Variants in KCTD10 observed in about 807,000 individuals in gnomAD.
KCTD10 encodes the protein potassium channel tetramerization domain containing 10, also known as BTB/POZ domain-containing adapter for CUL3-mediated RhoA degradation protein 3.
KCTD10 carries 13 observed loss-of-function variants against 34.6 expected under a neutral mutation model. The observed-to-expected ratio is 0.38, with a 90% CI of 0.24 to 0.60. The LOEUF is 0.60. Among genes scored for constraint, KCTD10 ranks in the 20% least tolerant of loss-of-function variants. The probability of loss-of-function intolerance (pLI) is 0.66; values close to 1 mark genes in which losing one functional copy is unlikely to be tolerated. For synonymous variants in KCTD10, 156 were observed against 168.8 expected (o/e 0.92, Z 0.59); for missense variants, 256 against 420.3 (o/e 0.61, Z 3.42).
intron 2 of KCTD10, among the ~76,000 whole-genome samples, chr12:109,465,070 T>C (rs1175962651): frequency 6.6e-6 from 1 of 152,200 alleles, no homozygotes; most frequent in Non-Finnish European, 1.5e-5. Context: ...TGCCCCATGA[T>C]GTGGCAAAGG....
intron 6 of KCTD10, among the ~76,000 whole-genome samples, chr12:109,453,366 A>G (rs1421651892): frequency 2.0e-5 from 3 of 152,064 alleles, no homozygotes. Flanking sequence ...TTTTTTAAAA[A>G]ATTTTTGGTA....
rs1872720314 is a variant in KCTD10 at position 109,450,533 on chromosome 12, G to C, written c.*1062C>G. On this transcript the variant is annotated 3_prime_UTR_variant, in exon 7 of 7. Coordinates refer to ENST00000228495, the MANE Select transcript of KCTD10 (RefSeq NM_031954.5). ...ATCAGAGGCAAAGACAAGGGGGTCT[G>C]TGTTTATAGCAGGGAAGCTCCCTGG... is the stretch of plus-strand genomic sequence containing the variant. 2 of 396,836 alleles carry C rather than the reference G, an allele frequency of 5.0e-6. No homozygotes were observed. Among genetic ancestry groups the C allele is most frequent in the Non-Finnish European group, 8.9e-6 (2 of 225,448 alleles). 24.6% of individuals were successfully genotyped at this position (396,836 alleles called of 1,614,324 possible). A position where few individuals can be genotyped will look rare whatever the true frequency, so the allele number is the denominator to read the frequency against.
intron 1 of KCTD10, chr12:109,471,170 T>C: frequency 2.0e-6 from 2 of 985,422 alleles, no homozygotes; most frequent in South Asian, 4.7e-5. Context: ...TTTTCTATAA[T>C]GAATGGGTAC....
chr12:109,452,451 A>G (rs1294645098), intron 6 of KCTD10, among the ~76,000 whole-genome samples: 2 of 152,216 alleles, frequency 1.3e-5, no homozygotes, highest in East Asian at 1.9e-4. Context: ...CTTCAGGGTT[A>G]AGGTGTGATG....
At chr12:109,469,465 T>G in intron 2 of KCTD10, 50 bp downstream of exon 2, 1 of 1,593,994 alleles carries the variant, frequency 6.3e-7, no homozygotes, top group Non-Finnish European at 8.6e-7. Context: ...GAAGCCCTCC[T>G]TGACCACATA....
chr12:109,466,162 AGT>A (rs1566057071), intron 2 of KCTD10, among the ~76,000 whole-genome samples: 1 of 152,140 alleles, frequency 6.6e-6, no homozygotes, highest in African/African-American at 2.4e-5. Context: ...CCTTGGGGGT[AGT>A]GTGGAACTGC....
chr12:109,477,134 A>G, intron 1 of KCTD10, 126 bp downstream of exon 1: 2 of 1,143,454 alleles, frequency 1.7e-6, no homozygotes. Flanking sequence ...AATCCCCCAA[A>G]TGCCTCTCCA....
chr12:109,460,711 C>A lies in KCTD10; in HGVS notation c.312G>T (p.Glu104Asp), dbSNP rs1338040181. ...TGGCTTCTGCTAGCAGCTCCTCGAT[C>A]TCCCGGCGGCTCTCGGGTAAAGGCA... is the stretch of plus-strand genomic sequence containing the variant. Reference protein sequence around the residue: ...GAVPLPESRREIEELLAEAKY... With the variant: ...GAVPLPESRRDIEELLAEAKY... Residue 104 changes from glutamate to aspartate, a missense_variant, in exon 3 of 7, where the codon GAG becomes GAT. Transcript: ENST00000228495. The surrounding 1 kb of genome is among the most constrained non-coding windows in gnomAD (Gnocchi z 4.5). 1.2e-6 allele frequency: 2 copies of A among 1,614,192 alleles called. No homozygotes were observed. The highest frequency in any genetic ancestry group is 3.3e-5 in the Admixed American group (2 of 60,030).
intron 5 of KCTD10, 63 bp downstream of exon 5, chr12:109,457,567 C>T: frequency 6.9e-7 from 1 of 1,443,758 alleles, no homozygotes. Context: ...AGAGCTGGGC[C>T]TGGCTGGTGT....
chr12:109,464,338 T>C (rs973045569), intron 2 of KCTD10, among the ~76,000 whole-genome samples: 29 of 152,230 alleles, frequency 1.9e-4, no homozygotes, highest in African/African-American at 7.0e-4. Flanking sequence ...TGTAAGAGGC[T>C]GCCCCGCACA....
In KCTD10 at chr12:109,451,893, A is replaced by G; in HGVS notation, c.724-80T>C. On this transcript the variant is annotated intron_variant, in intron 6 of 6. Coordinates refer to ENST00000228495, the MANE Select transcript of KCTD10 (RefSeq NM_031954.5). The surrounding 1 kb of genome is among the most constrained non-coding windows in gnomAD (Gnocchi z 5.0). ...CACCTGGACTTTAAGCAGGGCCGCCAGGCTAAATCAGGCCCCTGGGATTCT... is the reference window on the plus strand; with the variant it reads ...CACCTGGACTTTAAGCAGGGCCGCCGGGCTAAATCAGGCCCCTGGGATTCT... 1 of 1,167,204 alleles carries G rather than the reference A, an allele frequency of 8.6e-7. No individual in the cohort carries two copies. The allele number at this position is 1,167,204 out of a possible 1,614,324, so 72.3% of individuals were successfully genotyped here.
intron 1 of KCTD10, chr12:109,470,557 G>A: frequency 1.0e-6 from 1 of 985,422 alleles, no homozygotes. Flanking sequence ...AGGTAAAACT[G>A]TAGAGGTGGA....
chr12:109,457,970 C>T (rs772490436), intron 4 of KCTD10, 22 bp downstream of exon 4: 2 of 1,586,466 alleles, frequency 1.3e-6, no homozygotes, highest in Admixed American at 1.7e-5. Context: ...AAAGAAATTC[C>T]ACAAGGGTGC....
At position 109,450,150 on chromosome 12, in the gene KCTD10, C is replaced by T. The variant is rs1442788471; in HGVS notation, c.*1445G>A. 1.8e-5 allele frequency: 7 copies of T among 397,786 alleles called. No homozygotes were observed. Among genetic ancestry groups the T allele is most frequent in the East Asian group, 7.1e-5 (2 of 28,064 alleles). The allele number at this position is 397,786 out of a possible 1,614,324, so 24.6% of individuals were successfully genotyped here. On this transcript the variant is annotated 3_prime_UTR_variant, in exon 7 of 7. Transcript: ENST00000228495. ...CCATGTTAATACCTTTGGTATAAAACGGTAACGATTCCCTTGACAAACCCA... is the reference window on the plus strand; with the variant it reads ...CCATGTTAATACCTTTGGTATAAAATGGTAACGATTCCCTTGACAAACCCA...
At chr12:109,452,262 G>A (rs1872810140) in intron 6 of KCTD10, among the ~76,000 whole-genome samples, 1 of 152,186 alleles carries the variant, frequency 6.6e-6, no homozygotes, top group South Asian at 2.1e-4. Context: ...TACTTGGATG[G>A]CCATTTAGGT....
chr12:109,450,974 G>A lies in KCTD10; in HGVS notation c.*621C>T, dbSNP rs1477117. ...TTGCACTGGTCTCAACGATTTAGAC[G>A]CTCATTCAGCCATATTTCCACTGCC... is the stretch of plus-strand genomic sequence containing the variant. On this transcript the variant is annotated 3_prime_UTR_variant, in exon 7 of 7. Transcript: ENST00000228495. 0.13 allele frequency: 20,561 copies of A among 152,394 alleles called. 1,593 individuals are homozygous for A. The highest frequency in any genetic ancestry group is 0.18 in the Non-Finnish European group (12,365 of 68,192). 9.4% of individuals were successfully genotyped at this position (152,394 alleles called of 1,614,324 possible).
At chr12:109,466,774 A>G (rs1698691358) in intron 2 of KCTD10, among the ~76,000 whole-genome samples, 1 of 152,240 alleles carries the variant, frequency 6.6e-6, no homozygotes, top group Admixed American at 6.5e-5. Context: ...TTTAACCAGC[A>G]AGCTGTACTG....
chr12:109,474,886 C>T (rs1298583189), intron 1 of KCTD10, among the ~76,000 whole-genome samples: 1 of 152,186 alleles, frequency 6.6e-6, no homozygotes, highest in Non-Finnish European at 1.5e-5. Flanking sequence ...ATATGCTTCT[C>T]TGTAGAAGTC....
chr12:109,465,305 A>G (rs1873540330), intron 2 of KCTD10, among the ~76,000 whole-genome samples: 1 of 152,224 alleles, frequency 6.6e-6, no homozygotes, highest in Non-Finnish European at 1.5e-5. Context: ...CGTAAGCAAA[A>G]GCAAAACATA....
Sources: allele counts gnomAD v4.1 joint callset (sites outside exome capture counted in the v4.1 genomes callset), GRCh38; gene constraint gnomAD v4.1.1; non-coding constraint Gnocchi (gnomAD v3.1); transcripts MANE v1.5; gene names NCBI Gene and HGNC (gene_info 2026-07-23, HGNC 2026-07-21).